SYNGR1: variants seen among roughly 807,000 people sequenced by gnomAD.
SYNGR1 encodes the protein synaptogyrin-1.
In SYNGR1, 14 loss-of-function variants were observed where a neutral mutation model predicts 26.1. That is an observed-to-expected ratio of 0.54 (90% confidence interval 0.35 to 0.84). SYNGR1 has a LOEUF of 0.84. SYNGR1 is among the 40% of genes least tolerant of loss of function. The probability of loss-of-function intolerance (pLI) is 0.01; values close to 1 mark genes in which losing one functional copy is unlikely to be tolerated. For missense variants in SYNGR1, 319 were observed against 332.9 expected (o/e 0.96, Z 0.33); for synonymous variants, 141 against 150.1 (o/e 0.94, Z 0.44).
At chr22:39,381,284 G>A (rs1925490124) in intron 3 of SYNGR1, among the ~76,000 whole-genome samples, 1 of 152,216 alleles carries the variant, frequency 6.6e-6, no homozygotes, top group Non-Finnish European at 1.5e-5. Flanking sequence ...ATGCCTAGCT[G>A]CAAGAGAGAC....
intron 3 of SYNGR1, chr22:39,379,674 G>A (rs903612262): frequency 1.3e-4 from 19 of 151,280 alleles, no homozygotes; most frequent in Non-Finnish European, 4.4e-5. Flanking sequence ...CCCAGTCACT[G>A]GGTTTCTGGA....
chr22:39,378,818 G>C (rs1925400472), intron 3 of SYNGR1, among the ~76,000 whole-genome samples: 1 of 152,334 alleles, frequency 6.6e-6, no homozygotes, highest in South Asian at 2.1e-4. Context: ...AGGCCAGCGG[G>C]GGCCCAGGCC....
chr22:39,375,765 A>T, intron 2 of SYNGR1: 1 of 603,186 alleles, frequency 1.7e-6, no homozygotes. Flanking sequence ...CTCTCCCTCC[A>T]TCCTCCCCTC....
chr22:39,384,513 G>T lies in SYNGR1; in HGVS notation c.*2599G>T, dbSNP rs779522178. 15 of 398,738 alleles carry T rather than the reference G, an allele frequency of 3.8e-5. No homozygotes were observed. The highest frequency in any genetic ancestry group is 6.2e-4 in the Middle Eastern group (1 of 1,610). The allele number at this position is 398,738 out of a possible 1,614,324, so 24.7% of individuals were successfully genotyped here. A position where few individuals can be genotyped will look rare whatever the true frequency, so the allele number is the denominator to read the frequency against. On this transcript the variant is annotated 3_prime_UTR_variant, in exon 4 of 4. Coordinates refer to ENST00000328933, the MANE Select transcript of SYNGR1 (RefSeq NM_004711.5). The stretch of plus-strand genomic sequence containing the variant: ...CTGCCCAGGATGGAGATGAGAGAGG[G>T]TGAGAGATGGAGGGCGAGATTTGGA...
At position 39,376,215 on chromosome 22, in the gene SYNGR1, G is replaced by C. The variant is rs6001562; in HGVS notation, c.483+18G>C. ...TCACCTGGGTGAGTACAGCCACCGC[G>C]CACCAGCCCACACTCGTCCCCTTTC... On this transcript the variant is annotated intron_variant, in intron 3 of 3. Coordinates refer to ENST00000328933, the MANE Select transcript of SYNGR1 (RefSeq NM_004711.5). 13,391 of 1,613,768 alleles carry C rather than the reference G, an allele frequency of 8.3e-3. 919 individuals are homozygous for C. In the African/African-American group the frequency reaches 0.15, roughly 19 times the overall value.
chr22:39,370,353 A>G (rs189375121), intron 1 of SYNGR1, among the ~76,000 whole-genome samples: 282 of 151,962 alleles, frequency 1.9e-3, no homozygotes, highest in Non-Finnish European at 2.9e-3. Flanking sequence ...GATGGTCTCA[A>G]TCTCCTGACC....
chr22:39,384,485 G>T lies in SYNGR1; in HGVS notation c.*2571G>T. Reference sequence around the variant, plus strand: ...CCCCATCAGGCTGGGCTCTGGCAGGGACCTGCCCAGGATGGAGATGAGAGA... The same window carrying T: ...CCCCATCAGGCTGGGCTCTGGCAGGTACCTGCCCAGGATGGAGATGAGAGA... On this transcript the variant is annotated 3_prime_UTR_variant, in exon 4 of 4. Transcript: ENST00000328933. 1 of 398,796 alleles carries T rather than the reference G, an allele frequency of 2.5e-6. No homozygotes were observed. The highest frequency in any genetic ancestry group is 1.3e-4 in the South Asian group (1 of 7,798). The allele number at this position is 398,796 out of a possible 1,614,324, so 24.7% of individuals were successfully genotyped here. A position where few individuals can be genotyped will look rare whatever the true frequency, so the allele number is the denominator to read the frequency against.
intron 2 of SYNGR1, chr22:39,375,837 C>A (rs2281112): frequency 9.8e-5 from 66 of 673,290 alleles, no homozygotes; most frequent in Admixed American, 2.5e-4. Flanking sequence ...CCTCCTCCCC[C>A]CTGCATCTGG....
intron 1 of SYNGR1, among the ~76,000 whole-genome samples, chr22:39,366,797 C>T (rs907196277): frequency 6.6e-6 from 1 of 152,190 alleles, no homozygotes; most frequent in Non-Finnish European, 1.5e-5. Flanking sequence ...CTCTCCATAG[C>T]AGCCGGTCTG....
Position 39,350,814 on chromosome 22 carries a change from C to T in SYNGR1, c.99+705C>T, listed in dbSNP as rs1296139094. ...CAAGGTGGGCGGAGCCTTCTTGAGGCCCCCTTGGGCTCTGACATTTCATGA... is the reference window on the plus strand; with the variant it reads ...CAAGGTGGGCGGAGCCTTCTTGAGGTCCCCTTGGGCTCTGACATTTCATGA... On this transcript the variant is annotated intron_variant, in intron 1 of 3. Transcript: ENST00000328933. This position sits in a 1 kb window ranked among gnomAD's most constrained non-coding sequence, Gnocchi z 4.3. Among the ~76,000 whole-genome samples, 4 of 152,176 alleles carry T rather than the reference C, an allele frequency of 2.6e-5. No homozygotes were observed. Among genetic ancestry groups the T allele is most frequent in the Admixed American group, 6.5e-5 (1 of 15,278 alleles).
At chr22:39,376,885 A>G in intron 3 of SYNGR1, 1 of 1,477,300 alleles carries the variant, frequency 6.8e-7, no homozygotes. Context: ...AGGTTTAAAC[A>G]ATATATTGTG....
At chr22:39,360,739 C>T (rs936550489) in intron 1 of SYNGR1, among the ~76,000 whole-genome samples, 1 of 152,132 alleles carries the variant, frequency 6.6e-6, no homozygotes, top group African/African-American at 2.4e-5. Flanking sequence ...TGAGCACAGA[C>T]CCCTAGAGAG....
At chr22:39,360,075 C>T (rs1252801929) in intron 1 of SYNGR1, among the ~76,000 whole-genome samples, 5 of 152,198 alleles carry the variant, frequency 3.3e-5, no homozygotes, top group African/African-American at 1.2e-4. Flanking sequence ...TCGCCTGGCA[C>T]AGCTCTGGTT....
intron 1 of SYNGR1, among the ~76,000 whole-genome samples, chr22:39,355,358 C>A (rs546109107): frequency 6.6e-6 from 1 of 152,350 alleles, no homozygotes; most frequent in African/African-American, 2.4e-5. Flanking sequence ...ACAGCCCTGT[C>A]ACCTAGACAG....
chr22:39,377,999 C>T, intron 3 of SYNGR1: 1 of 1,227,054 alleles, frequency 8.1e-7, no homozygotes, highest in Non-Finnish European at 1.0e-6. Context: ...ACATCAATAT[C>T]TCTTCCAAAT....
At chr22:39,364,128 A>G in intron 1 of SYNGR1, 1 of 1,609,218 alleles carries the variant, frequency 6.2e-7, no homozygotes, top group South Asian at 1.1e-5. Context: ...CCTCAAGTAA[A>G]GTGGGCCTGT....
intron 1 of SYNGR1, among the ~76,000 whole-genome samples, chr22:39,352,301 G>C (rs938472830): frequency 6.6e-6 from 1 of 152,222 alleles, no homozygotes; most frequent in African/African-American, 2.4e-5. Context: ...GAACCAAGAG[G>C]TGTCTGATAC....
At position 39,383,714 on chromosome 22, in the gene SYNGR1, A is replaced by C. The variant is rs1925574807; in HGVS notation, c.*1800A>C. Reference sequence around the variant, plus strand: ...CCCGGCCCCTGTGCTGGAGATACCAAGGGCATGGGTGGTCCCTGCTTCGAT... The same window carrying C: ...CCCGGCCCCTGTGCTGGAGATACCACGGGCATGGGTGGTCCCTGCTTCGAT... On this transcript the variant is annotated 3_prime_UTR_variant, in exon 4 of 4. Coordinates refer to ENST00000328933, the MANE Select transcript of SYNGR1 (RefSeq NM_004711.5). 1 of 152,332 alleles carries C rather than the reference A, an allele frequency of 6.6e-6. No homozygotes were observed. The allele number at this position is 152,332 out of a possible 1,614,324, so 9.4% of individuals were successfully genotyped here.
chr22:39,370,236 T>G (rs1462945681), intron 1 of SYNGR1, among the ~76,000 whole-genome samples: 2 of 152,022 alleles, frequency 1.3e-5, no homozygotes, highest in African/African-American at 2.4e-5. Flanking sequence ...GTTCAAGCAA[T>G]TCTCCTGCCT....
Sources: allele counts gnomAD v4.1 joint callset (sites outside exome capture counted in the v4.1 genomes callset), GRCh38; gene constraint gnomAD v4.1.1; non-coding constraint Gnocchi (gnomAD v3.1); transcripts MANE v1.5; gene names NCBI Gene and HGNC (gene_info 2026-07-23, HGNC 2026-07-21).